RNF39: variants seen among roughly 807,000 people sequenced by gnomAD.
RNF39 encodes the protein ring finger protein 39, also known as LTP (long-term potentiation) induced RING finger protein.
A neutral mutation model predicts 29.2 loss-of-function variants in RNF39; 25 were observed. The observed-to-expected ratio is 0.86, with a 90% CI of 0.62 to 1.20. RNF39 has a LOEUF of 1.20. Among genes scored for constraint, RNF39 ranks in the 50% most tolerant of loss-of-function variants. RNF39 has a pLI of 0.00. For missense variants in RNF39, 519 were observed against 515.0 expected (o/e 1.01, Z -0.08); for synonymous variants, 219 against 229.0 (o/e 0.96, Z 0.40).
intron 1 of RNF39, 144 bp downstream of exon 1, chr6:30,075,079 G>GC (rs1330009771): frequency 4.7e-6 from 4 of 844,100 alleles, no homozygotes; most frequent in African/African-American, 1.8e-5. Flanking sequence ...CAGGGTCCTC[G>GC]CCCCCTCATC....
chr6:30,075,654 G>T lies in RNF39; in HGVS notation c.-69C>A, dbSNP rs1766383750. On this transcript the variant is annotated 5_prime_UTR_variant, in exon 1 of 4. Coordinates refer to ENST00000244360, the MANE Select transcript of RNF39 (RefSeq NM_025236.4). ...ACCGCCTTCGAGCGCGCAGATGGCG[G>T]GCCGCCCCTGCTGCTTGCTGTGTAG... 1.2e-6 allele frequency: 2 copies of T among 1,613,550 alleles called. No individual in the cohort carries two copies. The highest frequency in any genetic ancestry group is 1.7e-6 in the Non-Finnish European group (2 of 1,180,008).
Position 30,071,225 on chromosome 6 carries a change from TGA to T in RNF39, c.943_944del (p.Ser315ThrfsTer44). Reference protein sequence around the residue: ...RGRVAFYDGRSLDLLYAFQAP... With the variant: ...RGRVAFYDGRXLDLLYAFQAP... ...CCTGGAAGGCGTAAAGCAGGTCGAG[TGA>T]GCGGCCGTCGTAGAAGGCCACGCGG... On this transcript the variant is annotated frameshift_variant, in exon 4 of 4. Transcript: ENST00000244360. LOFTEE classifies it high-confidence loss of function. This position sits in a 1 kb window ranked among gnomAD's most constrained non-coding sequence, Gnocchi z 5.0. The T allele has an allele frequency of 6.6e-7, 1 of 1,512,676 alleles. No homozygotes were observed. The highest frequency in any genetic ancestry group is 8.8e-7 in the Non-Finnish European group (1 of 1,133,822). 93.7% of individuals were successfully genotyped at this position (1,512,676 alleles called of 1,614,324 possible).
In RNF39 at chr6:30,071,258, C is replaced by G; in HGVS notation, c.912G>C (p.Glu304Asp). Residue 304 changes from glutamate to aspartate, a missense_variant, in exon 4 of 4, where the codon GAG becomes GAC. Glu to Asp is a conservative substitution (Grantham distance 45, BLOSUM62 2). Transcript: ENST00000244360. The surrounding 1 kb of genome is among the most constrained non-coding windows in gnomAD (Gnocchi z 5.0). Reference protein sequence around the residue: ...PRRIRVDLDWERGRVAFYDGR... With the variant: ...PRRIRVDLDWDRGRVAFYDGR... Reference sequence around the variant, plus strand: ...CGTCGTAGAAGGCCACGCGGCCCCGCTCCCAGTCCAGGTCCACGCGAATGC... The same window carrying G: ...CGTCGTAGAAGGCCACGCGGCCCCGGTCCCAGTCCAGGTCCACGCGAATGC... The G allele has an allele frequency of 2.0e-6, 3 of 1,512,148 alleles. No homozygotes were observed. The South Asian group carries it at 4.1e-5, about 20-fold the overall frequency. 93.7% of individuals were successfully genotyped at this position (1,512,148 alleles called of 1,614,324 possible).
At position 30,075,505 on chromosome 6, in the gene RNF39, G is replaced by C; in HGVS notation, c.81C>G (p.Phe27Leu). The C allele has an allele frequency of 6.4e-7, 1 of 1,566,638 alleles. No individual in the cohort carries two copies. The highest frequency in any genetic ancestry group is 8.6e-7 in the Non-Finnish European group (1 of 1,157,914). Residue 27 changes from phenylalanine to leucine, a missense_variant, in exon 1 of 4, where the codon TTC (phenylalanine) becomes TTG (leucine). Phe to Leu is a conservative substitution (Grantham distance 22). Coordinates refer to ENST00000244360, the MANE Select transcript of RNF39 (RefSeq NM_025236.4). Reference sequence around the variant, plus strand: ...CGCACGCCAGAAGCACCGGGTCCTCGAAGGAGCCCCCGCACAGAGGACACG... The same window carrying C: ...CGCACGCCAGAAGCACCGGGTCCTCCAAGGAGCCCCCGCACAGAGGACACG... ...LATCPLCGGS[F>L]EDPVLLACEH...
At position 30,071,152 on chromosome 6, in the gene RNF39, CGCAGGTG is replaced by C; in HGVS notation, c.1011_1017del (p.Cys337TrpfsTer63). On this transcript the variant is annotated frameshift_variant, in exon 4 of 4. Coordinates refer to ENST00000244360, the MANE Select transcript of RNF39 (RefSeq NM_025236.4). LOFTEE classifies it high-confidence loss of function. This position sits in a 1 kb window ranked among gnomAD's most constrained non-coding sequence, Gnocchi z 5.0. ...ACAATGCGGAGCGGAGCACGAGGGT[CGCAGGTG>C]CAGAACAGCGGGAAGATGCGCTCCC... 1 of 1,543,928 alleles carries C rather than the reference CGCAGGTG, an allele frequency of 6.5e-7. No homozygotes were observed.
rs1766124535 is a variant in RNF39 at position 30,073,151 on chromosome 6, C to A, written c.478+6G>T. On this transcript the variant is annotated splice_donor_region_variant and intron_variant, in intron 3 of 3. Coordinates refer to ENST00000244360, the MANE Select transcript of RNF39 (RefSeq NM_025236.4). ...AATTCCCTTCCCTCCCTTCTTCTTT[C>A]CTTACCTGTCAGTCTATGAAGCATT... The A allele has an allele frequency of 1.9e-6, 3 of 1,561,018 alleles. No homozygotes were observed. Among genetic ancestry groups the A allele is most frequent in the Non-Finnish European group, 2.7e-6 (3 of 1,131,814 alleles).
Position 30,071,944 on chromosome 6 carries a change from A to G in RNF39, c.479-253T>C, listed in dbSNP as rs1766024479. ...GGGAAGGATCATACTGGCCCAGTGCAGGGAGCACAGCAGGAAGATCAAATG... is the reference window on the plus strand; with the variant it reads ...GGGAAGGATCATACTGGCCCAGTGCGGGGAGCACAGCAGGAAGATCAAATG... On this transcript the variant is annotated intron_variant, in intron 3 of 3. Transcript: ENST00000244360. This position sits in a 1 kb window ranked among gnomAD's most constrained non-coding sequence, Gnocchi z 5.0. 6.6e-6 allele frequency among the ~76,000 whole-genome samples: 1 copy of G among 152,174 alleles called. No homozygotes were observed. The highest frequency in any genetic ancestry group is 2.4e-5 in the African/African-American group (1 of 41,444).
In RNF39 at chr6:30,071,992, T is replaced by A. The variant is rs371080856; in HGVS notation, c.479-301A>T. Among the ~76,000 whole-genome samples, 1 of 151,458 alleles carries A rather than the reference T, an allele frequency of 6.6e-6. No individual in the cohort carries two copies. Among genetic ancestry groups the A allele is most frequent in the Non-Finnish European group, 1.5e-5 (1 of 67,876 alleles). The stretch of plus-strand genomic sequence containing the variant: ...ATGAGAGGTTGTCTCGTTTGTGGGG[T>A]TGGGGGAGGAAGAGTGAGGCTGATC... On this transcript the variant is annotated intron_variant, in intron 3 of 3. Coordinates refer to ENST00000244360, the MANE Select transcript of RNF39 (RefSeq NM_025236.4). The surrounding 1 kb of genome is among the most constrained non-coding windows in gnomAD (Gnocchi z 5.0).
rs1766226338 is a variant in RNF39, at chr6:30,074,250, A to G, written c.364-772T>C. 6.6e-6 allele frequency among the ~76,000 whole-genome samples: 1 copy of G among 152,176 alleles called. No homozygotes were observed. The highest frequency in any genetic ancestry group is 1.5e-5 in the Non-Finnish European group (1 of 68,024). On this transcript the variant is annotated intron_variant, in intron 1 of 3. Coordinates refer to ENST00000244360, the MANE Select transcript of RNF39 (RefSeq NM_025236.4). The surrounding 1 kb of genome is among the most constrained non-coding windows in gnomAD (Gnocchi z 4.1). ...CGGGGGAGAGAGAAACAATTTGCAT[A>G]ATTGTGCCAATTACTTTCAGACTAA...
rs1245370 is a variant in RNF39, at chr6:30,072,695, C to T, written c.478+462G>A. On this transcript the variant is annotated intron_variant, in intron 3 of 3. Coordinates refer to ENST00000244360, the MANE Select transcript of RNF39 (RefSeq NM_025236.4). This position sits in a 1 kb window ranked among gnomAD's most constrained non-coding sequence, Gnocchi z 4.5. ...ACACACACAAAGATAGGTTGAAGTCCTCCAAACCTCAGAATGTTACCTTGT... is the reference window on the plus strand; with the variant it reads ...ACACACACAAAGATAGGTTGAAGTCTTCCAAACCTCAGAATGTTACCTTGT... Among the ~76,000 whole-genome samples the T allele has an allele frequency of 0.064, 9,723 of 152,246 alleles. 330 individuals are homozygous for T. Among genetic ancestry groups the T allele is most frequent in the Admixed American group, 0.089 (1,364 of 15,294 alleles).
chr6:30,075,243 A>G lies in RNF39; in HGVS notation c.343T>C (p.Cys115Arg). The change falls in exon 1 of 4, where the codon TGC (cysteine) becomes CGC (arginine). Residue 115 changes from cysteine (C) to arginine (R), a missense_variant. Coordinates refer to ENST00000244360, the MANE Select transcript of RNF39 (RefSeq NM_025236.4). ...RRGGRIPTMG[C>R]LDLPGEDMRK... ...CTCACCTCTCCGGGCAGGTCCAGGC[A>G]GCCCATGGTGGGGATGCGCCCCCCT... 6.3e-7 allele frequency: 1 copy of G among 1,597,234 alleles called. No individual in the cohort carries two copies. Among genetic ancestry groups the G allele is most frequent in the Non-Finnish European group, 8.5e-7 (1 of 1,176,670 alleles).
chr6:30,075,432 G>C lies in RNF39; in HGVS notation c.154C>G (p.Pro52Ala). ...ACLARRWGTP[P>A]ATGTEASPTA... is the part of the protein sequence containing the mutation. ...GGGGAAGCCTCGGTGCCGGTCGCCG[G>C]CGGAGTCCCCCAGCGGCGGGCCAGA... is the stretch of plus-strand genomic sequence containing the variant. Residue 52 changes from proline to alanine, a missense_variant, in exon 1 of 4, where the codon CCG (proline) becomes GCG (alanine). Physicochemically the swap from Pro to Ala is conservative, Grantham distance 27. Transcript: ENST00000244360. 6.4e-7 allele frequency: 1 copy of C among 1,554,500 alleles called. No homozygotes were observed. The highest frequency in any genetic ancestry group is 8.7e-7 in the Non-Finnish European group (1 of 1,152,846).
At position 30,071,910 on chromosome 6, in the gene RNF39, T is replaced by C. The variant is rs372089944; in HGVS notation, c.479-219A>G. Among the ~76,000 whole-genome samples, 20 of 152,190 alleles carry C rather than the reference T, an allele frequency of 1.3e-4. No individual in the cohort carries two copies. The highest frequency in any genetic ancestry group is 3.9e-4 in the East Asian group (2 of 5,176). On this transcript the variant is annotated intron_variant, in intron 3 of 3. Transcript: ENST00000244360. This position sits in a 1 kb window ranked among gnomAD's most constrained non-coding sequence, Gnocchi z 5.0. ...GTACTGATGCACCACTTCTGTAGAA[T>C]TGGACCTGGGGAAGGATCATACTGG...
rs770807766 is a variant in RNF39 at position 30,071,616 on chromosome 6, G to T, written c.554C>A (p.Ala185Asp). The change falls in exon 4 of 4, where the codon GCC becomes GAC. Residue 185 changes from alanine to aspartate, a missense_variant. By Grantham distance (126) the Ala-to-Asp change is moderately radical. Coordinates refer to ENST00000244360, the MANE Select transcript of RNF39 (RefSeq NM_025236.4). This position sits in a 1 kb window ranked among gnomAD's most constrained non-coding sequence, Gnocchi z 5.0. ...AGGGGGCGCGGGCGTCCCTGGTGGG[G>T]CCAGTTGTACGCTGCGGCGGTCGGC... ...ISADRRSVQL[A>D]PPGTPAPPDG... 7 of 1,459,432 alleles carry T rather than the reference G, an allele frequency of 4.8e-6. No homozygotes were observed. The East Asian group carries it at 1.9e-4, about 39-fold the overall frequency. The allele number at this position is 1,459,432 out of a possible 1,614,324, so 90.4% of individuals were successfully genotyped here.
In RNF39 at chr6:30,071,675, G is replaced by A. The variant is rs1468059153; in HGVS notation, c.495C>T (p.Asp165=). 7.1e-7 allele frequency: 1 copy of A among 1,416,724 alleles called. No homozygotes were observed. Among genetic ancestry groups the A allele is most frequent in the Middle Eastern group, 2.2e-4 (1 of 4,538 alleles). The allele number at this position is 1,416,724 out of a possible 1,614,324, so 87.8% of individuals were successfully genotyped here. Reference sequence around the variant, plus strand: ...GCAGGCGGCGGTGTGCGGTCCCAGGGTCCAGGGTCAGGTCGGCTGGAGACG... The same window carrying A: ...GCAGGCGGCGGTGTGCGGTCCCAGGATCCAGGGTCAGGTCGGCTGGAGACG... ...LHRLTADLTL[D]PGTAHRRLLI... is the part of the protein sequence containing the mutation. The change falls in exon 4 of 4, where the codon GAC becomes GAT. Residue 165 remains aspartate, a synonymous_variant. Coordinates refer to ENST00000244360, the MANE Select transcript of RNF39 (RefSeq NM_025236.4). This position sits in a 1 kb window ranked among gnomAD's most constrained non-coding sequence, Gnocchi z 5.0.
chr6:30,075,441 C>A lies in RNF39; in HGVS notation c.145G>T (p.Gly49Trp), dbSNP rs990095171. The A allele has an allele frequency of 1.1e-5, 17 of 1,553,904 alleles. No individual in the cohort carries two copies. Among genetic ancestry groups the A allele is most frequent in the Non-Finnish European group, 1.4e-5 (16 of 1,152,306 alleles). Residue 49 changes from glycine (G) to tryptophan (W), a missense_variant, in exon 1 of 4, where the codon GGG becomes TGG. By Grantham distance (184) the Gly-to-Trp change is radical. Coordinates refer to ENST00000244360, the MANE Select transcript of RNF39 (RefSeq NM_025236.4). The stretch of plus-strand genomic sequence containing the variant: ...TCGGTGCCGGTCGCCGGCGGAGTCC[C>A]CCAGCGGCGGGCCAGACACGCGCGG... ...FCRACLARRW[G>W]TPPATGTEAS... is the part of the protein sequence containing the mutation.
chr6:30,071,098 T>G lies in RNF39; in HGVS notation c.*13A>C. 6.5e-7 allele frequency: 1 copy of G among 1,549,714 alleles called. No homozygotes were observed. Among genetic ancestry groups the G allele is most frequent in the Non-Finnish European group, 8.7e-7 (1 of 1,145,718 alleles). Reference sequence around the variant, plus strand: ...GCCAGTGGCCGGGCCAAACTTCTAGTTGGAGACGAGACTCAGCTTTCCGCT... The same window carrying G: ...GCCAGTGGCCGGGCCAAACTTCTAGGTGGAGACGAGACTCAGCTTTCCGCT... On this transcript the variant is annotated 3_prime_UTR_variant, in exon 4 of 4. Coordinates refer to ENST00000244360, the MANE Select transcript of RNF39 (RefSeq NM_025236.4). This position sits in a 1 kb window ranked among gnomAD's most constrained non-coding sequence, Gnocchi z 5.0.
chr6:30,073,928 C>G (rs1413125635), intron 1 of RNF39, among the ~76,000 whole-genome samples: 1 of 152,200 alleles, frequency 6.6e-6, no homozygotes, highest in Non-Finnish European at 1.5e-5. Flanking sequence ...ATCACACAGA[C>G]CAAACACACA....
chr6:30,071,419 A>T lies in RNF39; in HGVS notation c.751T>A (p.Ser251Thr). The T allele has an allele frequency of 6.7e-7, 1 of 1,499,376 alleles. No homozygotes were observed. Among genetic ancestry groups the T allele is most frequent in the Non-Finnish European group, 8.8e-7 (1 of 1,133,190 alleles). The allele number at this position is 1,499,376 out of a possible 1,614,324, so 92.9% of individuals were successfully genotyped here. ...SHYAVGAAGE[S>T]VQRKGCVRLC... ...CTTACGCAGCCCTTGCGTTGCACTG[A>T]TTCCCCGGCCGCGCCCACTGCATAG... The change falls in exon 4 of 4, where the codon TCA (serine) becomes ACA (threonine). Residue 251 changes from serine (S) to threonine (T), a missense_variant. By Grantham distance (58) the Ser-to-Thr change is moderately conservative. Coordinates refer to ENST00000244360, the MANE Select transcript of RNF39 (RefSeq NM_025236.4). This position sits in a 1 kb window ranked among gnomAD's most constrained non-coding sequence, Gnocchi z 5.0.
Sources: gnomAD v4.1 joint callset for allele counts (sites outside exome capture counted in the v4.1 genomes callset) on GRCh38, gnomAD v4.1.1 for gene constraint, Gnocchi (gnomAD v3.1) non-coding constraint, MANE v1.5 for transcripts, NCBI Gene and HGNC (gene_info 2026-07-23, HGNC 2026-07-21) for gene names.